Variants in TMEM266 observed in about 807,000 individuals in gnomAD.
The protein encoded by TMEM266 is Hv1 related protein 1.
A neutral mutation model predicts 50.5 loss-of-function variants in TMEM266; 33 were observed. That is an observed-to-expected ratio of 0.65 (90% CI 0.50 to 0.87). The LOEUF (loss-of-function observed/expected upper bound fraction) is 0.87, where lower values mean the gene tolerates loss of function less well. Among genes scored for constraint, TMEM266 ranks in the 40% least tolerant of loss-of-function variants. The pLI is 0.00. For synonymous variants in TMEM266, 310 were observed against 292.3 expected (o/e 1.06, Z -0.62); for missense variants, 655 against 695.1 (o/e 0.94, Z 0.65).
intron 2 of TMEM266, among the ~76,000 whole-genome samples, chr15:76,136,743 G>A (rs2037595020): frequency 6.6e-6 from 1 of 152,160 alleles, no homozygotes; most frequent in African/African-American, 2.4e-5. Flanking sequence ...GAAGCTAAGG[G>A]GAAGTTTTCT....
At chr15:76,078,915 C>T (rs1221406506) in intron 1 of TMEM266, among the ~76,000 whole-genome samples, 1 of 152,140 alleles carries the variant, frequency 6.6e-6, no homozygotes, top group African/African-American at 2.4e-5. Flanking sequence ...CTTCCTTTTC[C>T]AACAAAGCCA....
chr15:76,122,355 T>C (rs1345715316), intron 1 of TMEM266, among the ~76,000 whole-genome samples: 1 of 152,228 alleles, frequency 6.6e-6, no homozygotes, highest in Non-Finnish European at 1.5e-5. Flanking sequence ...AAAAATTACA[T>C]GACAAACAGG....
chr15:76,192,047 C>T lies in TMEM266; in HGVS notation c.848C>T (p.Ala283Val), dbSNP rs755147854. 3.2e-6 allele frequency: 5 copies of T among 1,544,170 alleles called. No homozygotes were observed. Among genetic ancestry groups the T allele is most frequent in the South Asian group, 1.2e-5 (1 of 83,670 alleles). The change falls in exon 9 of 11, where the codon GCC becomes GTC. Residue 283 changes from alanine (A) to valine (V), a missense_variant. Ala to Val is a moderately conservative substitution (Grantham distance 64). Coordinates refer to ENST00000388942, the MANE Select transcript of TMEM266 (RefSeq NM_152335.3). Reference sequence around the variant, plus strand: ...GCCGAGCGCGAAGCGGCGCTCCAGGCCCCGCACGTGCTCAGCCAGCCGCGC... The same window carrying T: ...GCCGAGCGCGAAGCGGCGCTCCAGGTCCCGCACGTGCTCAGCCAGCCGCGC...
chr15:76,138,279 A>G (rs1315840572), intron 3 of TMEM266, among the ~76,000 whole-genome samples: 1 of 151,796 alleles, frequency 6.6e-6, no homozygotes, highest in East Asian at 1.9e-4. Flanking sequence ...ATATCTTCCA[A>G]GAAGCAGCAG....
chr15:76,166,388 C>T (rs2038097381), intron 5 of TMEM266, among the ~76,000 whole-genome samples: 1 of 152,180 alleles, frequency 6.6e-6, no homozygotes, highest in Non-Finnish European at 1.5e-5. Flanking sequence ...TATTCTGTTT[C>T]CATGGGCTGA....
chr15:76,085,267 T>C (rs1317709928), intron 1 of TMEM266, among the ~76,000 whole-genome samples: 1 of 149,888 alleles, frequency 6.7e-6, no homozygotes, highest in Non-Finnish European at 1.5e-5. Flanking sequence ...CCTTTCTTTT[T>C]TTTTTTTTGA....
intron 1 of TMEM266, among the ~76,000 whole-genome samples, chr15:76,091,836 C>A (rs750267913): frequency 6.6e-6 from 1 of 151,242 alleles, no homozygotes; most frequent in Non-Finnish European, 1.5e-5. Flanking sequence ...ACAAAAAATA[C>A]AAAAATTATC....
rs149684134 is a variant in TMEM266, at chr15:76,099,437, C to T, written c.-96-34731C>T. Among the ~76,000 whole-genome samples the T allele has an allele frequency of 3.3e-4, 50 of 152,342 alleles. No individual in the cohort carries two copies. The South Asian group carries it at 4.8e-3, about 15-fold the overall frequency. On this transcript the variant is annotated intron_variant, in intron 1 of 10. Coordinates refer to ENST00000388942, the MANE Select transcript of TMEM266 (RefSeq NM_152335.3). ...TCCAACGAGTCCCAGTGAGATGAAC[C>T]GGATACCTCAGTTGGAAATGCAGAA...
intron 3 of TMEM266, among the ~76,000 whole-genome samples, chr15:76,150,250 C>G (rs901881021): frequency 6.6e-5 from 10 of 152,152 alleles, no homozygotes; most frequent in Non-Finnish European, 1.3e-4. Flanking sequence ...GCTTTTGAGC[C>G]CTTGTCTAGC....
At chr15:76,107,088 T>G (rs1336350596) in intron 1 of TMEM266, among the ~76,000 whole-genome samples, 1 of 152,250 alleles carries the variant, frequency 6.6e-6, no homozygotes, top group Non-Finnish European at 1.5e-5. Context: ...ATAAACCATG[T>G]ATGCCATTTA....
chr15:76,204,402 G>C lies in TMEM266; in HGVS notation c.*87G>C. On this transcript the variant is annotated 3_prime_UTR_variant, in exon 11 of 11. Transcript: ENST00000388942. ...TGGAGGCTGCCAAGGGCCACACGCG[G>C]GGCCCAGGAGCCCACCTGGCCTCCC... The C allele has an allele frequency of 7.5e-7, 1 of 1,329,414 alleles. No homozygotes were observed. The highest frequency in any genetic ancestry group is 1.5e-5 in the South Asian group (1 of 67,848). The allele number at this position is 1,329,414 out of a possible 1,614,324, so 82.4% of individuals were successfully genotyped here.
intron 1 of TMEM266, among the ~76,000 whole-genome samples, chr15:76,072,404 C>T (rs1378226521): frequency 6.9e-6 from 1 of 144,090 alleles, no homozygotes; most frequent in Non-Finnish European, 1.5e-5. Flanking sequence ...CGCCATTGCA[C>T]TGCAGCCTGG....
At chr15:76,192,187 G>A (rs910885558) in intron 9 of TMEM266, 30 bp downstream of exon 9, 21 of 1,389,090 alleles carry the variant, frequency 1.5e-5, no homozygotes, top group African/African-American at 1.4e-4. Flanking sequence ...CGGCCCCAGA[G>A]TGTCACGGCC....
At chr15:76,060,379 G>C (rs914664745) in intron 1 of TMEM266, among the ~76,000 whole-genome samples, 5 of 151,106 alleles carry the variant, frequency 3.3e-5, no homozygotes, top group African/African-American at 1.2e-4. Flanking sequence ...TTGCTGCTGG[G>C]GGGAATCCCA....
chr15:76,191,538 CGGGGGCCCT>C (rs2038569187), intron 8 of TMEM266: 1 of 154,412 alleles, frequency 6.5e-6, no homozygotes, highest in Admixed American at 6.5e-5. Context: ...CAGGCTGGGA[CGGGGGCCCT>C]GGGTGTCCTG....
intron 5 of TMEM266, among the ~76,000 whole-genome samples, chr15:76,169,545 G>A (rs2038154527): frequency 6.6e-6 from 1 of 152,196 alleles, no homozygotes; most frequent in African/African-American, 2.4e-5. Flanking sequence ...ACTGAAAATG[G>A]CATCAGCAGT....
chr15:76,118,964 C>G (rs1024881066), intron 1 of TMEM266, among the ~76,000 whole-genome samples: 2 of 152,136 alleles, frequency 1.3e-5, no homozygotes, highest in African/African-American at 4.8e-5. Context: ...GGGCGTTGTG[C>G]CACTGGTATT....
chr15:76,089,416 A>G lies in TMEM266; in HGVS notation c.-97+29400A>G, dbSNP rs528137332. On this transcript the variant is annotated intron_variant, in intron 1 of 10. Coordinates refer to ENST00000388942, the MANE Select transcript of TMEM266 (RefSeq NM_152335.3). ...CACCGTGTTAGCCAGGATGGTCTCG[A>G]TCTCCTGACCTTGTGATCTGCCCGC... Among the ~76,000 whole-genome samples, 49 of 151,918 alleles carry G rather than the reference A, an allele frequency of 3.2e-4. No homozygotes were observed. In the East Asian group the frequency reaches 9.0e-3, roughly 28 times the overall value.
intron 5 of TMEM266, among the ~76,000 whole-genome samples, chr15:76,165,129 G>T (rs1321697698): frequency 6.6e-6 from 1 of 152,236 alleles, no homozygotes; most frequent in Non-Finnish European, 1.5e-5. Context: ...CTGAGGCAGG[G>T]CCTGGACCAG....
Sources: allele counts gnomAD v4.1 joint callset (sites outside exome capture counted in the v4.1 genomes callset), GRCh38; gene constraint gnomAD v4.1.1; transcripts MANE v1.5; gene names NCBI Gene and HGNC (gene_info 2026-07-23, HGNC 2026-07-21).